The following ZNF529 variants were observed in gnomAD, a reference collection of about 807,000 sequenced individuals.
ZNF529 encodes zinc finger protein 529.
Under a neutral mutation model 10.1 loss-of-function variants are expected in ZNF529, and 11 were observed. The observed-to-expected ratio is 1.09, with a 90% confidence interval of 0.69 to 1.81. The LOEUF (loss-of-function observed/expected upper bound fraction) is 1.81, where lower values mean the gene tolerates loss of function less well. Among genes scored for constraint, ZNF529 ranks in the 40% most tolerant of loss-of-function variants. ZNF529 has a pLI of 0.00. For synonymous variants in ZNF529, 204 were observed against 215.7 expected, an observed-to-expected ratio of 0.95 and a Z score of 0.47; for missense variants, 624 against 666.8, an observed-to-expected ratio of 0.94 and a Z score of 0.71.
intron 2 of ZNF529, among the ~76,000 whole-genome samples, chr19:36,571,545 G>A (rs1342737070): frequency 6.6e-6 from 1 of 151,644 alleles, no homozygotes; most frequent in Non-Finnish European, 1.5e-5. Context: ...CATGGTGGCG[G>A]GCGCCTGTAA....
At chr19:36,593,256 C>A (rs1443155050) in intron 1 of ZNF529, among the ~76,000 whole-genome samples, 1 of 152,150 alleles carries the variant, frequency 6.6e-6, no homozygotes, top group Admixed American at 6.6e-5. Flanking sequence ...GCTCACTGCA[C>A]CCTCGACCTC....
chr19:36,604,291 C>A (rs1040914175), intron 1 of ZNF529, among the ~76,000 whole-genome samples: 3 of 152,158 alleles, frequency 2.0e-5, no homozygotes, highest in Non-Finnish European at 4.4e-5. Flanking sequence ...ATCTCCATAT[C>A]AAACACGAGG....
chr19:36,570,360 C>CAAAAAAAAAAAAAAAA (rs58429405), intron 2 of ZNF529, among the ~76,000 whole-genome samples: 1 of 70,584 alleles, frequency 1.4e-5, no homozygotes, highest in Non-Finnish European at 2.8e-5. Flanking sequence ...GACCCTATCT[C>CAAAAAAAAAAAAAAAA]AAAAAAAAAA....
chr19:36,572,350 T>C lies in ZNF529; in HGVS notation c.-4A>G, dbSNP rs2145207208. On this transcript the variant is annotated 5_prime_UTR_variant, in exon 2 of 5. Coordinates refer to ENST00000591340, the MANE Select transcript of ZNF529 (RefSeq NM_020951.5). ...AAACTAACCTTGAGTTGGCCATTAG[T>C]ACCAATGCTGTCTTCCACTTCAGGG... 6.5e-7 allele frequency: 1 copy of C among 1,549,532 alleles called. No homozygotes were observed. The highest frequency in any genetic ancestry group is 1.4e-5 in the African/African-American group (1 of 72,564).
chr19:36,563,881 C>T (rs2035803643), intron 2 of ZNF529, among the ~76,000 whole-genome samples: 1 of 152,138 alleles, frequency 6.6e-6, no homozygotes, highest in Non-Finnish European at 1.5e-5. Context: ...AGCTATACTA[C>T]AAGGCTACAG....
At chr19:36,597,664 C>A (rs1400458592) in intron 1 of ZNF529, among the ~76,000 whole-genome samples, 1 of 152,076 alleles carries the variant, frequency 6.6e-6, no homozygotes, top group African/African-American at 2.4e-5. Flanking sequence ...AGCAGTATTT[C>A]TATAGAAAAA....
chr19:36,572,580 G>A (rs891296592), intron 1 of ZNF529, among the ~76,000 whole-genome samples, 188 bp from the exon 2 acceptor site: 1 of 152,110 alleles, frequency 6.6e-6, no homozygotes, highest in Admixed American at 6.5e-5. Context: ...AGTTTCTAGG[G>A]AACACAGCTC....
rs571814810 is a variant in ZNF529, at chr19:36,567,500, G to A, written c.14+4833C>T. ...GTCACCCAGAGTGGGGTGCAGTGGC[G>A]CCATCTCGGCTCACTGCAACCTCCA... On this transcript the variant is annotated intron_variant, in intron 2 of 4. Transcript: ENST00000591340. Among the ~76,000 whole-genome samples the A allele has an allele frequency of 7.9e-5, 12 of 151,908 alleles. No individual in the cohort carries two copies. In the East Asian group the frequency reaches 1.4e-3, roughly 17 times the overall value.
chr19:36,577,173 T>C, upstream of ZNF529: 3 of 453,824 alleles, frequency 6.6e-6, no homozygotes, highest in Non-Finnish European at 1.3e-5. Context: ...TTGACTGGGC[T>C]GGTCTGGAAC....
intron 2 of ZNF529, among the ~76,000 whole-genome samples, chr19:36,579,933 AGTG>A (rs2036425808): frequency 6.6e-6 from 1 of 152,186 alleles, no homozygotes. Flanking sequence ...TCTGAATTGT[AGTG>A]ACTCTTCACT....
intron 4 of ZNF529, among the ~76,000 whole-genome samples, chr19:36,553,137 T>C (rs113582133): frequency 3.9e-5 from 6 of 152,250 alleles, no homozygotes; most frequent in African/African-American, 1.4e-4. Context: ...ACAAGTCCTT[T>C]TTTTATGAGA....
At chr19:36,569,036 T>C (rs2035999455) in intron 2 of ZNF529, among the ~76,000 whole-genome samples, 1 of 152,080 alleles carries the variant, frequency 6.6e-6, no homozygotes, top group South Asian at 2.1e-4. Flanking sequence ...CCCTATGAAA[T>C]TAAGGCATTT....
intron 1 of ZNF529, among the ~76,000 whole-genome samples, chr19:36,599,559 A>G (rs577659847): frequency 2.0e-5 from 3 of 152,336 alleles, no homozygotes; most frequent in Admixed American, 2.0e-4. Context: ...ACATATCTAC[A>G]AGGAAAAATT....
chr19:36,581,858 C>A (rs1309183912), intron 2 of ZNF529: 1 of 152,448 alleles, frequency 6.6e-6, no homozygotes, highest in Non-Finnish European at 1.5e-5. Flanking sequence ...TTATAAATTA[C>A]CCAGCCTCAG....
intron 2 of ZNF529, among the ~76,000 whole-genome samples, chr19:36,558,003 CAT>C (rs982288590): frequency 4.7e-4 from 71 of 152,112 alleles, no homozygotes; most frequent in African/African-American, 1.2e-3. Flanking sequence ...TAAAAATAAA[CAT>C]ATGGAAATTC....
rs536667492 is a variant in ZNF529, at chr19:36,544,328, T to C, written c.*2538A>G. On this transcript the variant is annotated 3_prime_UTR_variant, in exon 5 of 5. Transcript: ENST00000591340. ...AGGAAAACATAATAAGGACACATTT[T>C]ATTCATTAATTTATTATTTGTTAAT... 1.3e-5 allele frequency: 2 copies of C among 152,316 alleles called. No individual in the cohort carries two copies. The highest frequency in any genetic ancestry group is 6.5e-5 in the Admixed American group (1 of 15,304). 9.4% of individuals were successfully genotyped at this position (152,316 alleles called of 1,614,324 possible). A position where few individuals can be genotyped will look rare whatever the true frequency, so the allele number is the denominator to read the frequency against.
At chr19:36,587,233 C>A (rs1018580421) in intron 2 of ZNF529, among the ~76,000 whole-genome samples, 2 of 149,408 alleles carry the variant, frequency 1.3e-5, no homozygotes, top group African/African-American at 5.0e-5. Context: ...CCACTGTACT[C>A]GAGCCTGGGT....
intron 4 of ZNF529, among the ~76,000 whole-genome samples, chr19:36,548,849 TACAA>T (rs1245315797): frequency 6.6e-6 from 1 of 152,126 alleles, no homozygotes; most frequent in Non-Finnish European, 1.5e-5. Context: ...TCTACTAAAA[TACAA>T]ACAGCTGGGC....
chr19:36,573,555 G>C (rs752150373), upstream of ZNF529: 1 of 465,844 alleles, frequency 2.1e-6, no homozygotes, highest in African/African-American at 2.0e-5. Context: ...CGGGAACCCA[G>C]GTTGGGAGGA....
Sources: allele counts gnomAD v4.1 joint callset (sites outside exome capture counted in the v4.1 genomes callset), GRCh38; gene constraint gnomAD v4.1.1; transcripts MANE v1.5; gene names NCBI Gene and HGNC (gene_info 2026-07-23, HGNC 2026-07-21).